The following PRKN variants were observed in gnomAD, a reference collection of about 807,000 sequenced individuals.
PRKN encodes the protein E3 ubiquitin-protein ligase parkin.
Under a neutral mutation model 59.5 loss-of-function variants are expected in PRKN, and 56 were observed. That is an observed-to-expected ratio of 0.94 (90% confidence interval 0.76 to 1.18). The LOEUF (loss-of-function observed/expected upper bound fraction) is 1.18, where lower values mean the gene tolerates loss of function less well. Among genes scored for constraint, PRKN ranks in the 50% most tolerant of loss-of-function variants. The probability of loss-of-function intolerance (pLI) is 0.00; values close to 1 mark genes in which losing one functional copy is unlikely to be tolerated. For missense variants in PRKN, 657 were observed against 596.4 expected (o/e 1.10, Z -1.06); for synonymous variants, 250 against 222.1 (o/e 1.13, Z -1.12).
chr6:162,020,177 C>T (rs1367192597), intron 5 of PRKN, among the ~76,000 whole-genome samples: 1 of 151,770 alleles, frequency 6.6e-6, no homozygotes, highest in Non-Finnish European at 1.5e-5. Flanking sequence ...GTTTTTGTGG[C>T]TTGGTCAGGC....
intron 6 of PRKN, among the ~76,000 whole-genome samples, chr6:161,821,717 T>C (rs1005268295): frequency 8.3e-6 from 1 of 119,964 alleles, no homozygotes; most frequent in Non-Finnish European, 1.7e-5. Flanking sequence ...TCCACTGGTG[T>C]TCTTTTTTTT....
In PRKN at chr6:161,677,982, T is replaced by C. The variant is rs574293490; in HGVS notation, c.871+107790A>G. ...GAACTGCCTCCAGGAGTGTTGGCTA[T>C]TTTGTAAATAGTCAAGGATGATGGT... On this transcript the variant is annotated intron_variant, in intron 7 of 11. Coordinates refer to ENST00000366898, the MANE Select transcript of PRKN (RefSeq NM_004562.3). Among the ~76,000 whole-genome samples, 11 of 152,284 alleles carry C rather than the reference T, an allele frequency of 7.2e-5. No individual in the cohort carries two copies. The South Asian group carries it at 2.3e-3, about 32-fold the overall frequency.
At chr6:161,464,312 CTGG>C (rs1790345246) in intron 9 of PRKN, among the ~76,000 whole-genome samples, 1 of 152,198 alleles carries the variant, frequency 6.6e-6, no homozygotes, top group Non-Finnish European at 1.5e-5. Context: ...CCATGCCCAG[CTGG>C]TACTTTCTCA....
At chr6:162,339,944 CTCGTTAAGAG>C (rs1408393294) in intron 2 of PRKN, among the ~76,000 whole-genome samples, 4 of 148,520 alleles carry the variant, frequency 2.7e-5, no homozygotes, top group African/African-American at 7.5e-5. Flanking sequence ...AGGCAGCATG[CTCGTTAAGAG>C]TCATCACCAA....
At position 161,401,592 on chromosome 6, in the gene PRKN, G is replaced by A. The variant is rs913559471; in HGVS notation, c.1084-14715C>T. ...TGTGCCACTGCACTCCATCTTGGGCGACAAGAGCAAGATTCTGTCCCCACT... is the reference window on the plus strand; with the variant it reads ...TGTGCCACTGCACTCCATCTTGGGCAACAAGAGCAAGATTCTGTCCCCACT... On this transcript the variant is annotated intron_variant, in intron 9 of 11. Coordinates refer to ENST00000366898, the MANE Select transcript of PRKN (RefSeq NM_004562.3). This position sits in a 1 kb window ranked among gnomAD's most constrained non-coding sequence, Gnocchi z 4.4. 2.0e-5 allele frequency among the ~76,000 whole-genome samples: 3 copies of A among 151,356 alleles called. No individual in the cohort carries two copies. Among genetic ancestry groups the A allele is most frequent in the South Asian group, 2.1e-4 (1 of 4,778 alleles).
intron 4 of PRKN, among the ~76,000 whole-genome samples, chr6:162,172,886 C>T (rs974182530): frequency 5.9e-5 from 9 of 152,076 alleles, no homozygotes; most frequent in African/African-American, 2.2e-4. Context: ...GAGTCCAAGG[C>T]CTTCCTCTCC....
At position 162,172,993 on chromosome 6, in the gene PRKN, C is replaced by T. The variant is rs530037830; in HGVS notation, c.534+28138G>A. On this transcript the variant is annotated intron_variant, in intron 4 of 11. Coordinates refer to ENST00000366898, the MANE Select transcript of PRKN (RefSeq NM_004562.3). ...ACAGCCTAGGGGTGAGATAAGGGGT[C>T]CTGGCCCCTGAAGACACCCTGGGGA... is the stretch of plus-strand genomic sequence containing the variant. Among the ~76,000 whole-genome samples, 14 of 152,224 alleles carry T rather than the reference C, an allele frequency of 9.2e-5. No homozygotes were observed. The East Asian group carries it at 2.5e-3, about 27-fold the overall frequency.
At chr6:162,503,136 C>CTTTTTTTTTTTTTTTTT (rs10629175) in intron 1 of PRKN, among the ~76,000 whole-genome samples, 11 of 81,120 alleles carry the variant, frequency 1.4e-4, no homozygotes, top group African/African-American at 5.5e-4. Flanking sequence ...GTCTTCATTT[C>CTTTTTTTTTTTTTTTTT]TTTTTTTTTT....
chr6:161,847,546 T>A (rs1269144503), intron 6 of PRKN, among the ~76,000 whole-genome samples: 1 of 152,016 alleles, frequency 6.6e-6, no homozygotes, highest in Non-Finnish European at 1.5e-5. Context: ...AGCAAACACT[T>A]GATTTCTAAG....
chr6:161,670,212 T>C (rs976991134), intron 7 of PRKN, among the ~76,000 whole-genome samples: 1 of 152,122 alleles, frequency 6.6e-6, no homozygotes, highest in Non-Finnish European at 1.5e-5. Flanking sequence ...CCCAGCTGTG[T>C]TCAAGCCAGG....
chr6:161,836,306 C>A (rs1360963302), intron 6 of PRKN, among the ~76,000 whole-genome samples: 1 of 152,186 alleles, frequency 6.6e-6, no homozygotes, highest in East Asian at 1.9e-4. Context: ...AGAGGTTCTG[C>A]GATGCCAGTG....
intron 7 of PRKN, among the ~76,000 whole-genome samples, chr6:161,744,245 C>T (rs1233266434): frequency 2.0e-5 from 3 of 151,012 alleles, no homozygotes; most frequent in African/African-American, 7.3e-5. Flanking sequence ...TTTCAGATCT[C>T]CAAATTACAG....
intron 1 of PRKN, among the ~76,000 whole-genome samples, chr6:162,644,181 G>A (rs1461900171): frequency 6.6e-6 from 1 of 152,030 alleles, no homozygotes; most frequent in Non-Finnish European, 1.5e-5. Flanking sequence ...TATCTTTCTA[G>A]TTCCCAGGAC....
chr6:161,680,760 TATATATATA>T (rs1256576561), intron 7 of PRKN, among the ~76,000 whole-genome samples: 264 of 17,978 alleles, frequency 0.015, 23 homozygotes, highest in African/African-American at 0.032. Context: ...TATATATATA[TATATATATA>T]TATATATTTT....
intron 1 of PRKN, among the ~76,000 whole-genome samples, chr6:162,696,812 T>C (rs537020515): frequency 6.6e-6 from 1 of 151,966 alleles, no homozygotes; most frequent in Non-Finnish European, 1.5e-5. Context: ...TCCCAAGGTG[T>C]TGGGACTAGA....
intron 4 of PRKN, among the ~76,000 whole-genome samples, chr6:162,138,189 G>A (rs530147299): frequency 3.3e-5 from 5 of 152,104 alleles, no homozygotes; most frequent in South Asian, 4.1e-4. Context: ...TTATTTTTCC[G>A]TACATGCATG....
At chr6:162,147,204 G>A (rs766352608) in intron 4 of PRKN, among the ~76,000 whole-genome samples, 7 of 151,284 alleles carry the variant, frequency 4.6e-5, no homozygotes, top group East Asian at 2.0e-4. Flanking sequence ...ACCCACTGGC[G>A]TGGTGGCATA....
intron 7 of PRKN, among the ~76,000 whole-genome samples, chr6:161,748,200 A>T (rs1376933864): frequency 6.6e-6 from 1 of 152,228 alleles, no homozygotes; most frequent in Non-Finnish European, 1.5e-5. Flanking sequence ...CAACCCATGC[A>T]TGCACAATGA....
intron 1 of PRKN, among the ~76,000 whole-genome samples, chr6:162,522,625 A>G (rs1478299366): frequency 6.6e-6 from 1 of 152,200 alleles, no homozygotes; most frequent in African/African-American, 2.4e-5. Context: ...ACAAACCATG[A>G]TGGGGCAGGT....
Sources: gnomAD v4.1 joint callset for allele counts (sites outside exome capture counted in the v4.1 genomes callset) on GRCh38, gnomAD v4.1.1 for gene constraint, Gnocchi (gnomAD v3.1) non-coding constraint, MANE v1.5 for transcripts, NCBI Gene and HGNC (gene_info 2026-07-23, HGNC 2026-07-21) for gene names.